The following DIAPH3 variants were observed in gnomAD, a reference collection of about 807,000 sequenced individuals.
DIAPH3 encodes the protein protein diaphanous homolog 3.
Under a neutral mutation model 144.3 loss-of-function variants are expected in DIAPH3, and 117 were observed. The observed-to-expected ratio is 0.81, with a 90% CI of 0.70 to 0.95. DIAPH3 has a LOEUF of 0.95. DIAPH3 is among the 40% of genes least tolerant of loss of function. DIAPH3 has a pLI of 0.00. For missense variants in DIAPH3, 1,421 were observed against 1,412.7 expected, an observed-to-expected ratio of 1.01 and a Z score of -0.09; for synonymous variants, 519 against 488.9, an observed-to-expected ratio of 1.06 and a Z score of -0.81.
chr13:59,954,179 T>G (rs1420690292), intron 17 of DIAPH3, among the ~76,000 whole-genome samples: 1 of 152,202 alleles, frequency 6.6e-6, no homozygotes, highest in African/African-American at 2.4e-5. Flanking sequence ...AAATTCTTGA[T>G]TTTCAACTCC....
chr13:60,003,875 C>T (rs891044391), intron 9 of DIAPH3, among the ~76,000 whole-genome samples: 11 of 152,124 alleles, frequency 7.2e-5, no homozygotes, highest in African/African-American at 2.4e-5. Flanking sequence ...CCACCACGCA[C>T]GGCCCCTGAT....
At chr13:59,927,893 CT>C (rs2047830903) in intron 17 of DIAPH3, among the ~76,000 whole-genome samples, 2 of 152,142 alleles carry the variant, frequency 1.3e-5, no homozygotes, top group African/African-American at 4.8e-5. Flanking sequence ...ATTTGGGAAT[CT>C]TTGAGCTTCG....
intron 24 of DIAPH3, among the ~76,000 whole-genome samples, chr13:59,824,464 G>C (rs576221153): frequency 3.3e-5 from 5 of 152,040 alleles, no homozygotes; most frequent in Admixed American, 6.6e-5. Flanking sequence ...CTTCCCACTA[G>C]AACGGCAAAC....
chr13:59,913,137 C>T (rs2047073841), intron 19 of DIAPH3, among the ~76,000 whole-genome samples: 1 of 152,160 alleles, frequency 6.6e-6, no homozygotes, highest in African/African-American at 2.4e-5. Flanking sequence ...CTTCAGGCCT[C>T]TGAATTTCTT....
chr13:60,012,560 C>T (rs1594331662), intron 7 of DIAPH3, among the ~76,000 whole-genome samples: 1 of 152,226 alleles, frequency 6.6e-6, no homozygotes, highest in Non-Finnish European at 1.5e-5. Context: ...TTACCAAGTA[C>T]ACAAGAGCTG....
intron 22 of DIAPH3, among the ~76,000 whole-genome samples, chr13:59,857,144 G>A (rs1324979765): frequency 1.3e-5 from 2 of 152,030 alleles, no homozygotes; most frequent in African/African-American, 4.8e-5. Flanking sequence ...AATTGTAACT[G>A]GCATTTTTAG....
chr13:59,754,670 G>T (rs577911090), intron 27 of DIAPH3, among the ~76,000 whole-genome samples: 7 of 152,154 alleles, frequency 4.6e-5, no homozygotes, highest in African/African-American at 1.2e-4. Flanking sequence ...AAAATGGAAG[G>T]TTCCACATTA....
chr13:59,980,400 C>T (rs535066562), intron 14 of DIAPH3, among the ~76,000 whole-genome samples: 30 of 151,624 alleles, frequency 2.0e-4, no homozygotes, highest in African/African-American at 5.1e-4. Flanking sequence ...GCTCCATCAT[C>T]CACTCATTCA....
At chr13:59,729,570 C>T (rs2035778803) in intron 27 of DIAPH3, among the ~76,000 whole-genome samples, 1 of 151,872 alleles carries the variant, frequency 6.6e-6, no homozygotes, top group African/African-American at 2.4e-5. Context: ...AAATCTGTAT[C>T]TTGATTGTGA....
chr13:59,932,390 A>C (rs1403718292), intron 17 of DIAPH3, among the ~76,000 whole-genome samples: 3 of 152,086 alleles, frequency 2.0e-5, no homozygotes, highest in African/African-American at 7.2e-5. Context: ...TACTACTACT[A>C]GTATCATTGT....
chr13:59,704,179 C>T (rs1160449989), intron 27 of DIAPH3, among the ~76,000 whole-genome samples: 2 of 152,250 alleles, frequency 1.3e-5, no homozygotes. Context: ...GAAATGGACT[C>T]TGTGCTGAGG....
chr13:60,139,292 GTT>G (rs2059374056), intron 1 of DIAPH3, among the ~76,000 whole-genome samples: 1 of 152,116 alleles, frequency 6.6e-6, no homozygotes, highest in African/African-American at 2.4e-5. Context: ...AAGTTGACAT[GTT>G]TTTTCAGTCC....
intron 17 of DIAPH3, among the ~76,000 whole-genome samples, chr13:59,938,459 A>G (rs1265442606): frequency 6.6e-6 from 1 of 152,148 alleles, no homozygotes; most frequent in Non-Finnish European, 1.5e-5. Context: ...AAACGTAAAA[A>G]TTAGCTGGGC....
At chr13:60,148,771 C>A (rs949957381) in intron 1 of DIAPH3, among the ~76,000 whole-genome samples, 2 of 152,146 alleles carry the variant, frequency 1.3e-5, no homozygotes, top group African/African-American at 4.8e-5. Context: ...TCTGCCTGGG[C>A]AACAGAGCAA....
chr13:59,826,873 C>T (rs1222679872), intron 24 of DIAPH3, among the ~76,000 whole-genome samples: 18 of 151,794 alleles, frequency 1.2e-4, no homozygotes, highest in Admixed American at 2.6e-4. Flanking sequence ...TCAGAAATAA[C>T]GCCGCATATC....
intron 27 of DIAPH3, among the ~76,000 whole-genome samples, chr13:59,689,413 T>C (rs186386568): frequency 2.6e-4 from 39 of 151,968 alleles, no homozygotes; most frequent in Non-Finnish European, 1.5e-5. Flanking sequence ...TGAAAATGGA[T>C]TGCACTAAAA....
chr13:60,094,768 C>T (rs1007819176), intron 3 of DIAPH3, among the ~76,000 whole-genome samples: 1 of 152,082 alleles, frequency 6.6e-6, no homozygotes, highest in African/African-American at 2.4e-5. Flanking sequence ...GCTACCAAAC[C>T]CTTCGAGCAC....
intron 2 of DIAPH3, among the ~76,000 whole-genome samples, chr13:60,124,894 C>A (rs770424616): frequency 6.6e-6 from 1 of 151,760 alleles, no homozygotes; most frequent in African/African-American, 2.4e-5. Context: ...GTGCTCTCAG[C>A]GGAGAAAAGG....
Position 59,744,280 on chromosome 13 carries a change from C to A in DIAPH3, c.3319+29909G>T, listed in dbSNP as rs1231227771. Among the ~76,000 whole-genome samples, 4 of 152,272 alleles carry A rather than the reference C, an allele frequency of 2.6e-5. No homozygotes were observed. The East Asian group carries it at 7.7e-4, about 29-fold the overall frequency. ...ATTATATTGGTCAATTATCTGAAAACTATGACTCAGGGACAGGTGACATTA... is the reference window on the plus strand; with the variant it reads ...ATTATATTGGTCAATTATCTGAAAAATATGACTCAGGGACAGGTGACATTA... On this transcript the variant is annotated intron_variant, in intron 27 of 27. Transcript: ENST00000400324.
Sources: gnomAD v4.1 joint callset for allele counts (sites outside exome capture counted in the v4.1 genomes callset) on GRCh38, gnomAD v4.1.1 for gene constraint, MANE v1.5 for transcripts, NCBI Gene and HGNC (gene_info 2026-07-23, HGNC 2026-07-21) for gene names.